The following IGF2BP3 variants were observed in gnomAD, a reference collection of about 807,000 sequenced individuals.
IGF2BP3 encodes the protein insulin like growth factor 2 mRNA binding protein 3.
IGF2BP3 carries 9 observed loss-of-function variants against 73.8 expected under a neutral mutation model. The observed-to-expected ratio is 0.12, with a 90% confidence interval of 0.07 to 0.21. The LOEUF is 0.21. IGF2BP3 is among the 10% of genes least tolerant of loss of function. IGF2BP3 has a pLI of 1.00. For missense variants in IGF2BP3, 542 were observed against 714.0 expected (o/e 0.76, Z 2.75); for synonymous variants, 258 against 256.7 (o/e 1.01, Z -0.05).
chr7:23,328,947 T>C (rs942996563), intron 10 of IGF2BP3, among the ~76,000 whole-genome samples: 1 of 152,074 alleles, frequency 6.6e-6, no homozygotes, highest in African/African-American at 2.4e-5. Context: ...CGGTGGCTCA[T>C]GCCTGTAATC....
intron 10 of IGF2BP3, among the ~76,000 whole-genome samples, chr7:23,341,769 A>G (rs79914289): frequency 0.018 from 2,754 of 152,124 alleles, 54 homozygotes; most frequent in Middle Eastern, 0.031. Flanking sequence ...AAAAAAAGAA[A>G]AAAGAAAAAA....
chr7:23,456,317 A>C (rs1268445572), intron 2 of IGF2BP3, among the ~76,000 whole-genome samples: 1 of 151,848 alleles, frequency 6.6e-6, no homozygotes, highest in Non-Finnish European at 1.5e-5. Flanking sequence ...TCTCTTAACT[A>C]GATTCTCTCA....
chr7:23,468,563 A>G (rs1366583266), intron 1 of IGF2BP3, 21 bp from the exon 2 acceptor site: 5 of 1,613,810 alleles, frequency 3.1e-6, no homozygotes, highest in Non-Finnish European at 4.2e-6. Context: ...ACAAGAAGTG[A>G]GACGGTCGGC....
chr7:23,447,846 T>C (rs894171452), intron 2 of IGF2BP3, among the ~76,000 whole-genome samples: 2 of 151,072 alleles, frequency 1.3e-5, no homozygotes, highest in African/African-American at 4.9e-5. Context: ...CCAGGCATGA[T>C]GGTGTGTGCC....
At chr7:23,435,513 G>A (rs1169587965) in intron 2 of IGF2BP3, among the ~76,000 whole-genome samples, 1 of 151,362 alleles carries the variant, frequency 6.6e-6, no homozygotes, top group African/African-American at 2.4e-5. Flanking sequence ...GAGTGCAGGG[G>A]CATGATCTCA....
At position 23,324,160 on chromosome 7, in the gene IGF2BP3, T is replaced by A. The variant is rs540120647; in HGVS notation, c.1204-4906A>T. On this transcript the variant is annotated intron_variant, in intron 10 of 14. Transcript: ENST00000258729. ...GGTTTTTTGAAAGGATCAACAAAAT[T>A]GATAGACTGCTAGCAAGACTAATCA... is the stretch of plus-strand genomic sequence containing the variant. Among the ~76,000 whole-genome samples, 251 of 151,838 alleles carry A rather than the reference T, an allele frequency of 1.7e-3. 1 individual carries two copies. Among genetic ancestry groups the A allele is most frequent in the Non-Finnish European group, 3.1e-3 (211 of 67,950 alleles).
At chr7:23,392,582 G>A (rs1786319978) in intron 3 of IGF2BP3, among the ~76,000 whole-genome samples, 1 of 151,684 alleles carries the variant, frequency 6.6e-6, no homozygotes, top group African/African-American at 2.4e-5. Flanking sequence ...TGAATGGTAG[G>A]ATTTTAAGCC....
At chr7:23,432,448 T>C (rs1787707616) in intron 2 of IGF2BP3, among the ~76,000 whole-genome samples, 1 of 152,108 alleles carries the variant, frequency 6.6e-6, no homozygotes, top group South Asian at 2.1e-4. Context: ...ATCATCACAC[T>C]GGGCCTTTGT....
Position 23,351,582 on chromosome 7 carries a change from G to A in IGF2BP3, c.406C>T (p.Leu136=), listed in dbSNP as rs1363296458. ...AACTGAAATCCATTCAGTTTGTCTA[G>A]TGCTCTGAAAGTTGAAAAGGGGCAG... ...YSSKDQARQA[L]DKLNGFQLEN... The change falls in exon 6 of 15, where the codon CTA becomes TTA. Residue 136 remains leucine (L), a synonymous_variant. Coordinates refer to ENST00000258729, the MANE Select transcript of IGF2BP3 (RefSeq NM_006547.3). 6.2e-7 allele frequency: 1 copy of A among 1,614,012 alleles called. No homozygotes were observed. The highest frequency in any genetic ancestry group is 1.6e-4 in the Middle Eastern group (1 of 6,062).
intron 10 of IGF2BP3, among the ~76,000 whole-genome samples, chr7:23,335,460 T>G (rs1045129740): frequency 6.6e-6 from 1 of 151,894 alleles, no homozygotes; most frequent in African/African-American, 2.4e-5. Context: ...TAAAAAAGTT[T>G]TTTTTTTTTT....
intron 3 of IGF2BP3, among the ~76,000 whole-genome samples, chr7:23,368,101 A>C (rs1160420244): frequency 6.6e-6 from 1 of 152,212 alleles, no homozygotes; most frequent in Non-Finnish European, 1.5e-5. Context: ...TCCTGAATGT[A>C]ATGGTACAAA....
intron 2 of IGF2BP3, among the ~76,000 whole-genome samples, chr7:23,448,973 G>C (rs903624236): frequency 2.0e-5 from 3 of 151,938 alleles, no homozygotes; most frequent in Non-Finnish European, 2.9e-5. Flanking sequence ...CAATCCTCTG[G>C]GCTGCAGTTT....
intron 2 of IGF2BP3, among the ~76,000 whole-genome samples, chr7:23,466,167 C>G (rs936867317): frequency 1.3e-5 from 2 of 152,034 alleles, no homozygotes; most frequent in Non-Finnish European, 2.9e-5. Context: ...GGATTACAGG[C>G]ACCTGCTACC....
chr7:23,412,720 G>T (rs540331199), intron 3 of IGF2BP3, among the ~76,000 whole-genome samples: 1 of 151,778 alleles, frequency 6.6e-6, no homozygotes, highest in East Asian at 1.9e-4. Flanking sequence ...TTCAGGGAAG[G>T]TACCCCCAGC....
chr7:23,458,323 A>T (rs62468783), intron 2 of IGF2BP3, among the ~76,000 whole-genome samples: 15,827 of 152,152 alleles, frequency 0.1, 901 homozygotes, highest in Middle Eastern at 0.15. Context: ...CTTCAGTTCA[A>T]CAAAGACACA....
intron 5 of IGF2BP3, among the ~76,000 whole-genome samples, chr7:23,352,530 C>T (rs1249249067): frequency 6.6e-6 from 1 of 152,126 alleles, no homozygotes; most frequent in Admixed American, 6.6e-5. Context: ...CTCAAGTGAT[C>T]TGCTGCATTG....
At chr7:23,373,874 G>C (rs578198575) in intron 3 of IGF2BP3, among the ~76,000 whole-genome samples, 1 of 152,276 alleles carries the variant, frequency 6.6e-6, no homozygotes, top group South Asian at 2.1e-4. Context: ...GCTCACATGA[G>C]ATCTGGTTGT....
chr7:23,430,405 G>A (rs936391533), intron 2 of IGF2BP3, among the ~76,000 whole-genome samples: 8 of 152,134 alleles, frequency 5.3e-5, no homozygotes, highest in Admixed American at 2.6e-4. Context: ...GGAACACAAG[G>A]TTCGGATTTG....
At chr7:23,325,774 C>T (rs1023856470) in intron 10 of IGF2BP3, among the ~76,000 whole-genome samples, 38 of 152,114 alleles carry the variant, frequency 2.5e-4, no homozygotes, top group African/African-American at 8.7e-4. Context: ...AATAACACCG[C>T]GTATCTACAA....
Sources: allele counts gnomAD v4.1 joint callset (sites outside exome capture counted in the v4.1 genomes callset), GRCh38; gene constraint gnomAD v4.1.1; transcripts MANE v1.5; gene names NCBI Gene and HGNC (gene_info 2026-07-23, HGNC 2026-07-21).